The following TNIK variants were observed in gnomAD, a reference collection of about 807,000 sequenced individuals.
TNIK encodes TRAF2 and NCK-interacting protein kinase.
TNIK carries 49 observed loss-of-function variants against 191.3 expected under a neutral mutation model. The observed-to-expected ratio is 0.26, with a 90% CI of 0.20 to 0.32. The LOEUF is 0.32. Among genes scored for constraint, TNIK ranks in the 10% least tolerant of loss-of-function variants. TNIK has a pLI of 1.00. For missense variants in TNIK, 1,155 were observed against 1,702.3 expected (o/e 0.68, Z 5.66); for synonymous variants, 594 against 600.9 (o/e 0.99, Z 0.17).
At chr3:171,251,486 T>C (rs1240380097) in intron 2 of TNIK, among the ~76,000 whole-genome samples, 1 of 152,092 alleles carries the variant, frequency 6.6e-6, no homozygotes, top group African/African-American at 2.4e-5. Flanking sequence ...TTGGGATGAG[T>C]TCCTCTGTCC....
At chr3:171,412,070 T>C (rs13085472) in intron 1 of TNIK, among the ~76,000 whole-genome samples, 93,852 of 152,032 alleles carry the variant, frequency 0.62, 30,056 homozygotes, top group Non-Finnish European at 0.66. Context: ...ACCATCCTAC[T>C]TGAGTTGTCC....
chr3:171,105,519 T>TACTCAAGAGATCAGGATAGTC (rs150180011), intron 21 of TNIK, among the ~76,000 whole-genome samples: 4,583 of 152,136 alleles, frequency 0.03, 242 homozygotes, highest in African/African-American at 0.11. Context: ...GGATCAGTGA[T>TACTCAAGAGATCAGGATAGTC]ACTCAAGAGA....
chr3:171,337,965 C>T (rs982339591), intron 2 of TNIK, among the ~76,000 whole-genome samples: 2 of 152,160 alleles, frequency 1.3e-5, no homozygotes, highest in African/African-American at 2.4e-5. Flanking sequence ...CTAGCATAAG[C>T]AGAAGGGAGA....
chr3:171,169,273 AT>A (rs869061202), intron 9 of TNIK, among the ~76,000 whole-genome samples: 441 of 144,892 alleles, frequency 3.0e-3, no homozygotes, highest in Middle Eastern at 3.6e-3. Flanking sequence ...TATTATCATT[AT>A]TTTTTTTTTT....
chr3:171,091,741 T>A (rs565883151), intron 23 of TNIK, among the ~76,000 whole-genome samples: 9 of 150,686 alleles, frequency 6.0e-5, no homozygotes, highest in African/African-American at 2.0e-4. Flanking sequence ...TCTCCAAAAA[T>A]AATAATAATA....
At chr3:171,134,059 G>C (rs980026737) in intron 15 of TNIK, among the ~76,000 whole-genome samples, 1 of 151,924 alleles carries the variant, frequency 6.6e-6, no homozygotes, top group Non-Finnish European at 1.5e-5. Flanking sequence ...AAAAGGAAGG[G>C]GAGCCCACAC....
intron 1 of TNIK, among the ~76,000 whole-genome samples, chr3:171,457,544 T>C (rs1175426513): frequency 6.6e-5 from 10 of 152,130 alleles, no homozygotes; most frequent in Non-Finnish European, 1.5e-4. Context: ...TAGGAACAAA[T>C]GAGACATCTC....
chr3:171,221,951 G>A (rs1049546527), intron 3 of TNIK, among the ~76,000 whole-genome samples: 23 of 152,164 alleles, frequency 1.5e-4, no homozygotes, highest in Middle Eastern at 6.8e-3. Flanking sequence ...CCTATTGTCT[G>A]TCTTATTCAG....
At chr3:171,228,329 G>T in intron 2 of TNIK, 108 bp from the exon 3 acceptor site, 2 of 1,093,354 alleles carry the variant, frequency 1.8e-6, no homozygotes, top group Non-Finnish European at 2.7e-6. Flanking sequence ...CTATGTCAAT[G>T]GGGGGAGAGA....
Position 171,087,504 on chromosome 3 carries a change from C to G in TNIK, c.2724G>C (p.Thr908=). ...SREGTLMIRE[T]SGEKKRSGHS... ...GGCCAGATCGCTTCTTCTCTCCAGA[C>G]GTCTGAGGGAGCACAGCACGTGGGA... Residue 908 remains threonine (T), a splice_region_variant and synonymous_variant, in exon 24 of 33, where the codon ACG becomes ACC. Transcript: ENST00000436636. 6.2e-7 allele frequency: 1 copy of G among 1,613,544 alleles called. No homozygotes were observed. The highest frequency in any genetic ancestry group is 8.5e-7 in the Non-Finnish European group (1 of 1,179,734).
intron 1 of TNIK, among the ~76,000 whole-genome samples, chr3:171,429,347 G>A (rs1192624828): frequency 1.3e-5 from 2 of 152,070 alleles, no homozygotes; most frequent in African/African-American, 4.8e-5. Flanking sequence ...AAACACTATT[G>A]TGCCCATGTC....
At chr3:171,113,227 AT>A (rs942083241) in intron 18 of TNIK, among the ~76,000 whole-genome samples, 4 of 151,554 alleles carry the variant, frequency 2.6e-5, no homozygotes, top group Non-Finnish European at 5.9e-5. Flanking sequence ...GAGTCTTTGT[AT>A]TTTTTTTTAT....
intron 9 of TNIK, among the ~76,000 whole-genome samples, chr3:171,173,286 C>A (rs1444269198): frequency 6.6e-6 from 1 of 150,858 alleles, no homozygotes; most frequent in African/African-American, 2.4e-5. Flanking sequence ...GTCCTAGCTA[C>A]TCAGGAGACT....
intron 7 of TNIK, among the ~76,000 whole-genome samples, chr3:171,183,195 G>A (rs774220111): frequency 1.3e-5 from 2 of 152,160 alleles, no homozygotes; most frequent in East Asian, 1.9e-4. Flanking sequence ...ACAGGAAAAC[G>A]TGTGTCCTCC....
rs1048384046 is a variant in TNIK, at chr3:171,074,046, T to A, written c.3449-2723A>T. Among the ~76,000 whole-genome samples the A allele has an allele frequency of 2.0e-5, 3 of 148,782 alleles. 1 individual carries two copies. The highest frequency in any genetic ancestry group is 7.4e-5 in the African/African-American group (3 of 40,280). ...GGAAAATAACTTTTTTTTTTTTTTT[T>A]AAATCAAAAGGGCACCTGCATTTGT... On this transcript the variant is annotated intron_variant, in intron 28 of 32. Coordinates refer to ENST00000436636, the MANE Select transcript of TNIK (RefSeq NM_015028.4).
intron 2 of TNIK, among the ~76,000 whole-genome samples, chr3:171,325,846 T>C (rs1373816626): frequency 6.6e-6 from 1 of 152,236 alleles, no homozygotes; most frequent in Non-Finnish European, 1.5e-5. Flanking sequence ...CGGGGGAACC[T>C]GCTTCTACCT....
intron 2 of TNIK, among the ~76,000 whole-genome samples, chr3:171,354,572 T>C (rs1324231175): frequency 2.6e-5 from 4 of 152,090 alleles, no homozygotes; most frequent in African/African-American, 7.2e-5. Flanking sequence ...TATGAGCAAA[T>C]GGGCCTCATA....
At position 171,201,969 on chromosome 3, in the gene TNIK, C is replaced by A. The variant is rs113345042; in HGVS notation, c.307-7334G>T. Reference sequence around the variant, plus strand: ...AAGCTTCTGGATAGTGAACAACTCTCTACCTTGAACATGGCAAAGACAGTT... The same window carrying A: ...AAGCTTCTGGATAGTGAACAACTCTATACCTTGAACATGGCAAAGACAGTT... On this transcript the variant is annotated intron_variant, in intron 4 of 32. Coordinates refer to ENST00000436636, the MANE Select transcript of TNIK (RefSeq NM_015028.4). Among the ~76,000 whole-genome samples, 794 of 152,306 alleles carry A rather than the reference C, an allele frequency of 5.2e-3. 6 individuals carry two copies. The highest frequency in any genetic ancestry group is 0.012 in the Admixed American group (187 of 15,294).
chr3:171,442,646 A>G (rs1339690342), intron 1 of TNIK, among the ~76,000 whole-genome samples: 1 of 152,142 alleles, frequency 6.6e-6, no homozygotes, highest in Non-Finnish European at 1.5e-5. Context: ...TTTTGTTTCC[A>G]GTGATGAGGA....
Sources: gnomAD v4.1 joint callset for allele counts (sites outside exome capture counted in the v4.1 genomes callset) on GRCh38, gnomAD v4.1.1 for gene constraint, MANE v1.5 for transcripts, NCBI Gene and HGNC (gene_info 2026-07-23, HGNC 2026-07-21) for gene names.